Variants in LUZP2 observed in about 807,000 individuals in gnomAD.
The protein encoded by LUZP2 is leucine zipper protein 2.
In LUZP2, 52 loss-of-function variants were observed where a neutral mutation model predicts 51.6. The ratio of observed to expected loss-of-function variants is 1.01; its 90% CI spans 0.81 to 1.27. LUZP2 has a LOEUF of 1.27. Among genes scored for constraint, LUZP2 ranks in the 50% most tolerant of loss-of-function variants. The pLI is 0.00. For synonymous variants in LUZP2, 154 were observed against 137.3 expected (o/e 1.12, Z -0.85); for missense variants, 436 against 395.4 (o/e 1.10, Z -0.87).
intron 5 of LUZP2, chr11:24,785,981 A>G: frequency 1.0e-6 from 1 of 985,348 alleles, no homozygotes. Context: ...TGGACTTACA[A>G]GCTTCACATT....
At chr11:24,908,402 C>G (rs1417445224) in intron 6 of LUZP2, among the ~76,000 whole-genome samples, 2 of 152,112 alleles carry the variant, frequency 1.3e-5, no homozygotes, top group African/African-American at 4.8e-5. Flanking sequence ...CTAAAATATC[C>G]TATCATGGCT....
intron 7 of LUZP2, among the ~76,000 whole-genome samples, chr11:24,924,344 C>A (rs1469281199): frequency 6.6e-6 from 1 of 152,014 alleles, no homozygotes; most frequent in Non-Finnish European, 1.5e-5. Context: ...TCCCAAATTG[C>A]TGGGATTACA....
chr11:24,783,611 G>A (rs1022593849), intron 5 of LUZP2, among the ~76,000 whole-genome samples: 6 of 151,824 alleles, frequency 4.0e-5, no homozygotes, highest in African/African-American at 1.4e-4. Context: ...TTTCATACAT[G>A]AATCTGCAAC....
At chr11:24,959,546 G>T (rs1855328961) in intron 7 of LUZP2, among the ~76,000 whole-genome samples, 1 of 150,732 alleles carries the variant, frequency 6.6e-6, no homozygotes, top group Admixed American at 6.6e-5. Flanking sequence ...TCATGATTTG[G>T]CTGTTTGTCT....
intron 5 of LUZP2, among the ~76,000 whole-genome samples, chr11:24,882,044 G>A (rs1852486761): frequency 6.6e-6 from 1 of 151,854 alleles, no homozygotes; most frequent in Non-Finnish European, 1.5e-5. Flanking sequence ...GGAGCTTTCA[G>A]ATAGCTCTCA....
At chr11:24,906,730 T>G (rs1283080708) in intron 6 of LUZP2, among the ~76,000 whole-genome samples, 4 of 152,140 alleles carry the variant, frequency 2.6e-5, no homozygotes, top group Non-Finnish European at 5.9e-5. Flanking sequence ...CAAGAGTCAC[T>G]GTTTTAGCTG....
intron 5 of LUZP2, among the ~76,000 whole-genome samples, chr11:24,828,182 AC>A (rs1220392122): frequency 6.6e-6 from 1 of 152,158 alleles, no homozygotes; most frequent in African/African-American, 2.4e-5. Context: ...GATAAAACTT[AC>A]CAAAAGGCCA....
intron 1 of LUZP2, among the ~76,000 whole-genome samples, chr11:24,553,519 A>G (rs1454759570): frequency 6.6e-6 from 1 of 152,152 alleles, no homozygotes; most frequent in Non-Finnish European, 1.5e-5. Context: ...TATCTAGAAT[A>G]GAAGGGTATA....
At chr11:24,950,802 CT>C (rs1195764405) in intron 7 of LUZP2, among the ~76,000 whole-genome samples, 1 of 151,082 alleles carries the variant, frequency 6.6e-6, no homozygotes, top group Admixed American at 6.6e-5. Flanking sequence ...TATTTTAGTA[CT>C]TTTTTTTGAG....
chr11:24,844,505 C>A (rs922773742), intron 5 of LUZP2, among the ~76,000 whole-genome samples: 19 of 152,236 alleles, frequency 1.2e-4, no homozygotes, highest in African/African-American at 3.9e-4. Flanking sequence ...AAGAAAATTC[C>A]ATTTTCTGAG....
intron 1 of LUZP2, among the ~76,000 whole-genome samples, chr11:24,554,741 T>A (rs994614759): frequency 3.3e-5 from 4 of 121,314 alleles, no homozygotes; most frequent in African/African-American, 1.2e-4. Context: ...ATTAAAAATC[T>A]AGAAAGTATA....
intron 7 of LUZP2, among the ~76,000 whole-genome samples, chr11:24,932,549 A>G (rs1468097042): frequency 6.6e-6 from 1 of 152,112 alleles, no homozygotes; most frequent in Admixed American, 6.5e-5. Context: ...ATAGCTGCCT[A>G]TGCTGTCATG....
chr11:24,838,830 G>A (rs1178784309), intron 5 of LUZP2, among the ~76,000 whole-genome samples: 4 of 151,610 alleles, frequency 2.6e-5, no homozygotes, highest in Non-Finnish European at 5.9e-5. Context: ...GAAAAAATAT[G>A]TATGTAAAGA....
chr11:24,969,149 C>G (rs1248941584), intron 7 of LUZP2, among the ~76,000 whole-genome samples: 1 of 152,094 alleles, frequency 6.6e-6, no homozygotes, highest in Non-Finnish European at 1.5e-5. Flanking sequence ...GCTTCTCTCC[C>G]TCCTTTCTAC....
At chr11:24,863,705 T>C (rs1851805738) in intron 5 of LUZP2, among the ~76,000 whole-genome samples, 1 of 152,170 alleles carries the variant, frequency 6.6e-6, no homozygotes, top group Admixed American at 6.6e-5. Flanking sequence ...AACTTCATAT[T>C]ATATAAATTG....
At chr11:24,882,022 T>C (rs1852485347) in intron 5 of LUZP2, among the ~76,000 whole-genome samples, 1 of 151,996 alleles carries the variant, frequency 6.6e-6, no homozygotes, top group Admixed American at 6.6e-5. Flanking sequence ...TAGCTATGAA[T>C]CTGCTCTTTT....
intron 3 of LUZP2, among the ~76,000 whole-genome samples, chr11:24,735,307 A>G (rs961034935): frequency 6.6e-6 from 1 of 151,918 alleles, no homozygotes; most frequent in Admixed American, 6.6e-5. Context: ...GAGATTCCCC[A>G]GGTGAATGGA....
At chr11:24,845,822 C>T (rs1395995425) in intron 5 of LUZP2, among the ~76,000 whole-genome samples, 5 of 152,128 alleles carry the variant, frequency 3.3e-5, no homozygotes, top group Admixed American at 2.6e-4. Context: ...TGTGAGACCT[C>T]CCCAGCCATG....
At chr11:24,830,988 C>T (rs921779530) in intron 5 of LUZP2, among the ~76,000 whole-genome samples, 1 of 148,842 alleles carries the variant, frequency 6.7e-6, no homozygotes, top group Non-Finnish European at 1.5e-5. Context: ...AGAGAGACTC[C>T]CTCTCAAAAA....
Sources: gnomAD v4.1 joint callset for allele counts (sites outside exome capture counted in the v4.1 genomes callset) on GRCh38, gnomAD v4.1.1 for gene constraint, MANE v1.5 for transcripts, NCBI Gene and HGNC (gene_info 2026-07-23, HGNC 2026-07-21) for gene names.